RPN2: variants seen among roughly 807,000 people sequenced by gnomAD.
RPN2 encodes the protein dolichyl-diphosphooligosaccharide--protein glycosyltransferase subunit 2.
Under a neutral mutation model 71.4 loss-of-function variants are expected in RPN2, and 29 were observed. The ratio of observed to expected loss-of-function variants is 0.41; its 90% CI spans 0.30 to 0.55. The LOEUF (loss-of-function observed/expected upper bound fraction) is 0.55. Ranked by LOEUF, RPN2 falls within the 20% of genes least tolerant of loss-of-function variation. The pLI, the probability that RPN2 is intolerant of heterozygous loss-of-function variation, is 0.35. For missense variants in RPN2, 726 were observed against 774.1 expected (o/e 0.94, Z 0.74); for synonymous variants, 308 against 305.0 (o/e 1.01, Z -0.10).
chr20:37,241,091 T>C (rs2068537276), intron 16 of RPN2, among the ~76,000 whole-genome samples: 1 of 152,238 alleles, frequency 6.6e-6, no homozygotes, highest in Non-Finnish European at 1.5e-5. Flanking sequence ...ATTTAAGTTG[T>C]CATCAGCTTA....
rs918289915 is a variant in RPN2 at position 37,234,238 on chromosome 20, G to A, written c.1753+143G>A. ...TTTCCCTCTTCCTCCTGGCCTTTTA[G>A]GACAGTTAATACGAAGATAAACCTG... On this transcript the variant is annotated intron_variant, in intron 15 of 16. Transcript: ENST00000237530. 1.3e-5 allele frequency: 11 copies of A among 844,244 alleles called. No homozygotes were observed. The Admixed American group carries it at 1.8e-4, about 14-fold the overall frequency. The allele number at this position is 844,244 out of a possible 1,614,324, so 52.3% of individuals were successfully genotyped here.
Position 37,241,558 on chromosome 20 carries a change from A to T in RPN2, c.*243A>T. 5.3e-6 allele frequency: 3 copies of T among 567,620 alleles called. No homozygotes were observed. Among genetic ancestry groups the T allele is most frequent in the Non-Finnish European group, 9.5e-6 (3 of 315,460 alleles). 35.2% of individuals were successfully genotyped at this position (567,620 alleles called of 1,614,324 possible). ...CTGTGAATATTCCTAACTTACCCAGATGTTGCTTTTGAAAAGTTGAAATGT... is the reference window on the plus strand; with the variant it reads ...CTGTGAATATTCCTAACTTACCCAGTTGTTGCTTTTGAAAAGTTGAAATGT... On this transcript the variant is annotated 3_prime_UTR_variant, in exon 17 of 17. Coordinates refer to ENST00000237530, the MANE Select transcript of RPN2 (RefSeq NM_002951.5).
At chr20:37,225,921 C>A in intron 11 of RPN2, 119 bp downstream of exon 11, 1 of 753,262 alleles carries the variant, frequency 1.3e-6, no homozygotes. Flanking sequence ...AGGTTTTGAC[C>A]GAACCCTGAC....
intron 16 of RPN2, among the ~76,000 whole-genome samples, chr20:37,240,098 A>G (rs961302224): frequency 4.6e-5 from 7 of 152,224 alleles, no homozygotes; most frequent in South Asian, 2.1e-4. Flanking sequence ...GCTATCCCCA[A>G]ATCATTGCTT....
intron 2 of RPN2, among the ~76,000 whole-genome samples, chr20:37,186,109 T>A (rs893283808): frequency 2.6e-5 from 4 of 152,194 alleles, no homozygotes; most frequent in African/African-American, 9.7e-5. Flanking sequence ...GTCCTTACTC[T>A]TCAATTCTCT....
At chr20:37,195,631 C>G (rs1056638436) in intron 2 of RPN2, among the ~76,000 whole-genome samples, 1 of 152,196 alleles carries the variant, frequency 6.6e-6, no homozygotes, top group Non-Finnish European at 1.5e-5. Flanking sequence ...CAGCGTTTGA[C>G]ACATTTTAAG....
At chr20:37,203,991 G>C (rs763728713) in intron 5 of RPN2, 31 bp downstream of exon 5, 8 of 1,513,364 alleles carry the variant, frequency 5.3e-6, no homozygotes, top group Non-Finnish European at 7.3e-6. Flanking sequence ...GCATCTCCCA[G>C]CTCCTGTCTT....
chr20:37,197,622 T>G (rs1166348811), intron 2 of RPN2, among the ~76,000 whole-genome samples: 3 of 152,166 alleles, frequency 2.0e-5, no homozygotes, highest in Admixed American at 2.0e-4. Context: ...TTTATTTTTT[T>G]GGGGGACTGG....
At chr20:37,231,232 C>G (rs1393585262) in intron 13 of RPN2, among the ~76,000 whole-genome samples, 2 of 152,042 alleles carry the variant, frequency 1.3e-5, no homozygotes, top group Admixed American at 1.3e-4. Context: ...GACTTCCCTT[C>G]TGGTCACACA....
At chr20:37,212,138 T>C (rs924557672) in intron 8 of RPN2, among the ~76,000 whole-genome samples, 4 of 152,090 alleles carry the variant, frequency 2.6e-5, no homozygotes, top group Admixed American at 2.0e-4. Context: ...CCCAGTTTAC[T>C]GGGTGTGTGG....
chr20:37,233,226 T>C (rs1431521043), intron 14 of RPN2, among the ~76,000 whole-genome samples: 1 of 151,616 alleles, frequency 6.6e-6, no homozygotes, highest in Non-Finnish European at 1.5e-5. Flanking sequence ...AAAATAAAAA[T>C]AAGTTTTAAA....
At chr20:37,196,463 G>C (rs1283500796) in intron 2 of RPN2, among the ~76,000 whole-genome samples, 1 of 152,120 alleles carries the variant, frequency 6.6e-6, no homozygotes, top group Non-Finnish European at 1.5e-5. Context: ...TCGATCTCCT[G>C]ACCTTGTGAT....
chr20:37,203,361 CT>C (rs11348988), intron 4 of RPN2, among the ~76,000 whole-genome samples: 5,976 of 136,392 alleles, frequency 0.044, 126 homozygotes, highest in African/African-American at 0.1. Flanking sequence ...TTGCTTCAAT[CT>C]TTTTTTTTTT....
intron 4 of RPN2, 51 bp from the exon 5 acceptor site, chr20:37,203,834 T>G: frequency 7.9e-7 from 1 of 1,263,410 alleles, no homozygotes; most frequent in Non-Finnish European, 1.2e-6. Flanking sequence ...AAGGGGTGAG[T>G]GGATGAAACA....
chr20:37,208,807 T>C (rs12480220), intron 7 of RPN2, among the ~76,000 whole-genome samples: 112,122 of 151,738 alleles, frequency 0.74, 41,873 homozygotes, highest in Middle Eastern at 0.85. Context: ...GAAATTAGCA[T>C]TTTATTAATG....
rs552621688 is a variant in RPN2, at chr20:37,213,274, G to A, written c.987-486G>A. ...TGGGAGTAACAAAGGAAAAGAAAAC[G>A]TTGGAAACCTAGGGGTGTTCATCTT... On this transcript the variant is annotated intron_variant, in intron 8 of 16. Coordinates refer to ENST00000237530, the MANE Select transcript of RPN2 (RefSeq NM_002951.5). Among the ~76,000 whole-genome samples the A allele has an allele frequency of 3.9e-5, 6 of 152,276 alleles. No individual in the cohort carries two copies. In the East Asian group the frequency reaches 5.8e-4, roughly 15 times the overall value.
intron 4 of RPN2, among the ~76,000 whole-genome samples, chr20:37,201,346 A>G (rs1291833389): frequency 7.0e-6 from 1 of 142,562 alleles, no homozygotes; most frequent in African/African-American, 2.7e-5. Context: ...CAATGCGATC[A>G]TATTTAAAGC....
chr20:37,236,593 CAT>C lies in RPN2; in HGVS notation c.1768_1769del (p.Met590ValfsTer51). 6.2e-7 allele frequency: 1 copy of C among 1,614,086 alleles called. No individual in the cohort carries two copies. The highest frequency in any genetic ancestry group is 8.5e-7 in the Non-Finnish European group (1 of 1,179,966). The stretch of plus-strand genomic sequence containing the variant: ...CTCTTCTTGCAGCTATGCTGGGACT[CAT>C]GTATGTCTACTGGACTCAGCTCAAC... Reference protein sequence around the residue: ...HLGHAAMLGLMYVYWTQLNMF... With the variant: ...HLGHAAMLGLXYVYWTQLNMF... On this transcript the variant is annotated frameshift_variant, in exon 16 of 17. Coordinates refer to ENST00000237530, the MANE Select transcript of RPN2 (RefSeq NM_002951.5). LOFTEE classifies it high-confidence loss of function.
Position 37,179,353 on chromosome 20 carries a change from A to C in RPN2, c.-4A>C. On this transcript the variant is annotated 5_prime_UTR_variant, in exon 1 of 17. Transcript: ENST00000237530. ...TCGGACTCCGGCGGGACCTGCTCGGAGGAATGGCGCCGCCGGGTGAGGAGT... is the reference window on the plus strand; with the variant it reads ...TCGGACTCCGGCGGGACCTGCTCGGCGGAATGGCGCCGCCGGGTGAGGAGT... 3.2e-6 allele frequency: 2 copies of C among 629,154 alleles called. No homozygotes were observed. Among genetic ancestry groups the C allele is most frequent in the Non-Finnish European group, 4.1e-6 (2 of 484,614 alleles). 39.0% of individuals were successfully genotyped at this position (629,154 alleles called of 1,614,324 possible).
Sources: allele counts gnomAD v4.1 joint callset (sites outside exome capture counted in the v4.1 genomes callset), GRCh38; gene constraint gnomAD v4.1.1; transcripts MANE v1.5; gene names NCBI Gene and HGNC (gene_info 2026-07-23, HGNC 2026-07-21).